The following SLC35F4 variants were observed in gnomAD, a reference collection of about 807,000 sequenced individuals.
SLC35F4 encodes chromosome 14 open reading frame 36.
SLC35F4 carries 24 observed loss-of-function variants against 44.2 expected under a neutral mutation model. That is an observed-to-expected ratio of 0.54 (90% CI 0.39 to 0.76). The LOEUF (loss-of-function observed/expected upper bound fraction) is 0.76. Ranked by LOEUF, SLC35F4 falls within the 30% of genes least tolerant of loss-of-function variation. The probability of loss-of-function intolerance (pLI) is 0.00; values close to 1 mark genes in which losing one functional copy is unlikely to be tolerated. For missense variants in SLC35F4, 562 were observed against 586.1 expected, an observed-to-expected ratio of 0.96 and a Z score of 0.42; for synonymous variants, 238 against 223.6, an observed-to-expected ratio of 1.06 and a Z score of -0.57.
intron 1 of SLC35F4, among the ~76,000 whole-genome samples, chr14:57,747,750 G>A (rs1327035151): frequency 1.3e-5 from 2 of 152,134 alleles, no homozygotes; most frequent in East Asian, 3.8e-4. Flanking sequence ...ATTTCTTGAT[G>A]TCATTAAATA....
chr14:57,745,279 C>A (rs138732927), intron 1 of SLC35F4, among the ~76,000 whole-genome samples: 1 of 152,138 alleles, frequency 6.6e-6, no homozygotes. Context: ...GAGAAACTAC[C>A]ATCAGAGTGA....
chr14:57,697,028 T>C (rs1475157887), intron 1 of SLC35F4, among the ~76,000 whole-genome samples: 1 of 152,154 alleles, frequency 6.6e-6, no homozygotes, highest in Non-Finnish European at 1.5e-5. Context: ...ATGGCACGTG[T>C]ATACCTATGT....
At chr14:57,919,508 C>T (rs1889396452) in intron 1 of SLC35F4, among the ~76,000 whole-genome samples, 1 of 152,160 alleles carries the variant, frequency 6.6e-6, no homozygotes, top group East Asian at 1.9e-4. Context: ...TTCACTTCTG[C>T]AGGCAGGGAG....
At chr14:57,627,026 C>T (rs1228335532) in intron 1 of SLC35F4, among the ~76,000 whole-genome samples, 4 of 152,098 alleles carry the variant, frequency 2.6e-5, no homozygotes, top group African/African-American at 9.7e-5. Context: ...TCTTCTCTTT[C>T]CTGGTCTATA....
chr14:57,581,381 TAAGA>T lies in SLC35F4; in HGVS notation c.636_639del (p.Phe212LeufsTer13). The T allele has an allele frequency of 6.2e-7, 1 of 1,613,204 alleles. No homozygotes were observed. The highest frequency in any genetic ancestry group is 8.5e-7 in the Non-Finnish European group (1 of 1,179,574). On this transcript the variant is annotated frameshift_variant, in exon 4 of 8. Coordinates refer to ENST00000556826, the MANE Select transcript of SLC35F4 (RefSeq NM_001306087.2). LOFTEE classifies it high-confidence loss of function. ...AGAATAGAAAAGGGAGCAGTTCTTT[TAAGA>T]AAGAGTTTCAGCGTCAGACCATCTT...
At chr14:57,690,405 G>C (rs1363978963) in intron 1 of SLC35F4, among the ~76,000 whole-genome samples, 1 of 152,126 alleles carries the variant, frequency 6.6e-6, no homozygotes, top group Non-Finnish European at 1.5e-5. Context: ...AGAGAGAATA[G>C]ATAAGGAAGT....
At chr14:57,973,048 A>C (rs1881100009), downstream of SLC35F4, among the ~76,000 whole-genome samples, 1 of 152,204 alleles carries the variant, frequency 6.6e-6, no homozygotes. Flanking sequence ...TAGATTAGTA[A>C]AATGAGACAC....
At chr14:57,586,262 A>G (rs963619476) in intron 3 of SLC35F4, among the ~76,000 whole-genome samples, 1 of 152,212 alleles carries the variant, frequency 6.6e-6, no homozygotes, top group African/African-American at 2.4e-5. Context: ...TGTTGGGAAA[A>G]TTGGCTAGCC....
At chr14:57,653,025 A>G (rs2073841264) in intron 1 of SLC35F4, among the ~76,000 whole-genome samples, 1 of 152,210 alleles carries the variant, frequency 6.6e-6, no homozygotes, top group Non-Finnish European at 1.5e-5. Context: ...TAATCTGCTT[A>G]GGTTACAAGC....
chr14:57,640,939 A>G (rs905932969), intron 1 of SLC35F4, among the ~76,000 whole-genome samples: 2 of 151,986 alleles, frequency 1.3e-5, no homozygotes, highest in Admixed American at 1.3e-4. Flanking sequence ...AGAAAATATA[A>G]GTTTATATGA....
chr14:57,604,695 A>T (rs890731806), intron 1 of SLC35F4, among the ~76,000 whole-genome samples: 1 of 152,206 alleles, frequency 6.6e-6, no homozygotes, highest in Non-Finnish European at 1.5e-5. Flanking sequence ...ACATTACCTG[A>T]CTCCAAACTA....
intron 1 of SLC35F4, among the ~76,000 whole-genome samples, chr14:57,740,368 A>AT (rs2076574853): frequency 6.6e-6 from 1 of 152,088 alleles, no homozygotes; most frequent in African/African-American, 2.4e-5. Context: ...TTGTATTTCT[A>AT]TTTTTCCAAC....
intron 1 of SLC35F4, among the ~76,000 whole-genome samples, chr14:57,807,158 AG>A (rs1451920510): frequency 6.6e-6 from 1 of 152,244 alleles, no homozygotes; most frequent in African/African-American, 2.4e-5. Context: ...ATTTTGAGGA[AG>A]AAGAGTGACA....
rs572660364 is a variant in SLC35F4 at position 57,865,989 on chromosome 14, AGCGGCG to A, written c.-170_-165del. 25 of 373,044 alleles carry A rather than the reference AGCGGCG, an allele frequency of 6.7e-5. No homozygotes were observed. Among genetic ancestry groups the A allele is most frequent in the Middle Eastern group, 7.5e-4 (1 of 1,332 alleles). 23.1% of individuals were successfully genotyped at this position (373,044 alleles called of 1,614,324 possible). On this transcript the variant is annotated 5_prime_UTR_variant, in exon 1 of 8. Coordinates refer to ENST00000556826, the MANE Select transcript of SLC35F4 (RefSeq NM_001306087.2). ...CGGCGCAGCACCGGCTCCGCATCACAGCGGCGGCGGCGGCGGCGGCGGCGGAGCGGC... is the reference window on the plus strand; with the variant it reads ...CGGCGCAGCACCGGCTCCGCATCACAGCGGCGGCGGCGGCGGCGGAGCGGC...
chr14:57,642,873 C>T (rs959315094), intron 1 of SLC35F4, among the ~76,000 whole-genome samples: 4 of 151,496 alleles, frequency 2.6e-5, no homozygotes, highest in African/African-American at 9.7e-5. Context: ...GGTGGTTTAC[C>T]CTATCTCCCA....
At chr14:57,781,782 G>A (rs1289220491) in intron 1 of SLC35F4, among the ~76,000 whole-genome samples, 3 of 152,098 alleles carry the variant, frequency 2.0e-5, no homozygotes, top group Non-Finnish European at 2.9e-5. Flanking sequence ...GGAGCTGGAG[G>A]CCATCATCCT....
intron 1 of SLC35F4, among the ~76,000 whole-genome samples, chr14:57,786,616 C>T (rs1255116880): frequency 6.6e-6 from 1 of 152,182 alleles, no homozygotes; most frequent in Non-Finnish European, 1.5e-5. Flanking sequence ...TGCCCAGTAC[C>T]AGCCCGGAGC....
intron 1 of SLC35F4, among the ~76,000 whole-genome samples, chr14:57,841,397 C>A (rs1446101123): frequency 6.6e-6 from 1 of 152,106 alleles, no homozygotes; most frequent in Non-Finnish European, 1.5e-5. Flanking sequence ...AGGTATGAAC[C>A]AGAAAACTAA....
chr14:57,870,001 G>A (rs891627152), upstream of SLC35F4, among the ~76,000 whole-genome samples: 7 of 152,176 alleles, frequency 4.6e-5, no homozygotes, highest in African/African-American at 1.4e-4. Context: ...TTGGCCTCAG[G>A]TGCCAGGCTG....
Sources: gnomAD v4.1 joint callset for allele counts (sites outside exome capture counted in the v4.1 genomes callset) on GRCh38, gnomAD v4.1.1 for gene constraint, MANE v1.5 for transcripts, NCBI Gene and HGNC (gene_info 2026-07-23, HGNC 2026-07-21) for gene names.